Variants in LPP observed in about 807,000 individuals in gnomAD.
LPP encodes LIM domain containing preferred translocation partner in lipoma, also known as lipoma-preferred partner.
A neutral mutation model predicts 60.4 loss-of-function variants in LPP; 38 were observed. The observed-to-expected ratio is 0.63, with a 90% confidence interval of 0.49 to 0.83. The LOEUF (loss-of-function observed/expected upper bound fraction) is 0.83, where lower values mean the gene tolerates loss of function less well. Among genes scored for constraint, LPP ranks in the 40% least tolerant of loss-of-function variants. LPP has a pLI of 0.00. For synonymous variants in LPP, 328 were observed against 290.8 expected, an observed-to-expected ratio of 1.13 and a Z score of -1.30; for missense variants, 902 against 783.6, an observed-to-expected ratio of 1.15 and a Z score of -1.80.
chr3:188,499,964 C>T (rs532919519), intron 5 of LPP, among the ~76,000 whole-genome samples: 1 of 152,048 alleles, frequency 6.6e-6, no homozygotes, highest in Admixed American at 6.5e-5. Context: ...ACTTTATATG[C>T]TCTACTTGGC....
At position 188,538,849 on chromosome 3, in the gene LPP, A is replaced by G. The variant is rs1315534013; in HGVS notation, c.429+14062A>G. On this transcript the variant is annotated intron_variant, in intron 6 of 11. Transcript: ENST00000617246. ...ATACAATTGAATATTACTCAGCCAT[A>G]AAAAGGAACGAAGCTCTGCAACATG... Among the ~76,000 whole-genome samples the G allele has an allele frequency of 2.0e-5, 3 of 152,336 alleles. No individual in the cohort carries two copies. The East Asian group carries it at 5.8e-4, about 29-fold the overall frequency.
rs552825226 is a variant in LPP at position 188,688,573 on chromosome 3, C to T, written c.1114-19694C>T. Among the ~76,000 whole-genome samples, 6 of 152,280 alleles carry T rather than the reference C, an allele frequency of 3.9e-5. No homozygotes were observed. The South Asian group carries it at 1.2e-3, about 32-fold the overall frequency. On this transcript the variant is annotated intron_variant, in intron 7 of 11. Coordinates refer to ENST00000617246, the MANE Select transcript of LPP (RefSeq NM_001375462.1). ...GAAGATGAGACTATGAAGGCAGGCC[C>T]TTCAAGGACTTTCTAAGTAGTACTC...
intron 8 of LPP, among the ~76,000 whole-genome samples, chr3:188,749,773 G>A (rs112907212): frequency 1.1e-4 from 16 of 152,226 alleles, no homozygotes; most frequent in African/African-American, 3.9e-4. Context: ...ATGTGAATCT[G>A]CAAATTTATT....
chr3:188,184,567 C>T lies in LPP; in HGVS notation c.-190+30315C>T, dbSNP rs574158509. On this transcript the variant is annotated intron_variant, in intron 1 of 11. Coordinates refer to ENST00000617246, the MANE Select transcript of LPP (RefSeq NM_001375462.1). ...GTTGTAGGAAGGTGGTATCGGGTCA[C>T]CATACTGAGCTGTGTGGTGGGAAAA... 1.3e-4 allele frequency among the ~76,000 whole-genome samples: 20 copies of T among 152,158 alleles called. No homozygotes were observed. The South Asian group carries it at 2.9e-3, about 22-fold the overall frequency.
chr3:188,290,763 C>T (rs545452089), intron 2 of LPP, among the ~76,000 whole-genome samples: 39 of 152,334 alleles, frequency 2.6e-4, no homozygotes, highest in Non-Finnish European at 5.0e-4. Flanking sequence ...AATGCATCCG[C>T]ATCCTTGATA....
chr3:188,414,781 C>T (rs990623527), intron 4 of LPP, among the ~76,000 whole-genome samples: 2 of 152,122 alleles, frequency 1.3e-5, no homozygotes, highest in African/African-American at 4.8e-5. Flanking sequence ...ATCTTCATTT[C>T]AGAGACTCAG....
rs1221198269 is a variant in LPP at position 188,249,885 on chromosome 3, AT to A, written c.-67+24359del. On this transcript the variant is annotated intron_variant, in intron 2 of 11. Coordinates refer to ENST00000617246, the MANE Select transcript of LPP (RefSeq NM_001375462.1). ...ACACACACACAGTCTCCCCCACCCCATATATATATATATATATTTTTTTTTT... is the reference window on the plus strand; with the variant it reads ...ACACACACACAGTCTCCCCCACCCCAATATATATATATATATTTTTTTTTT... 8.4e-5 allele frequency among the ~76,000 whole-genome samples: 4 copies of A among 47,492 alleles called. No homozygotes were observed. The East Asian group carries it at 1.6e-3, about 19-fold the overall frequency. 31.2% of individuals were successfully genotyped at this position (47,492 alleles called of 152,430 possible). A position where few individuals can be genotyped will look rare whatever the true frequency, so the allele number is the denominator to read the frequency against.
intron 3 of LPP, among the ~76,000 whole-genome samples, chr3:188,355,195 G>T (rs1014019805): frequency 2.0e-5 from 3 of 152,062 alleles, no homozygotes; most frequent in African/African-American, 4.8e-5. Context: ...TTTTAGTAGA[G>T]ACAGGGTTTC....
intron 2 of LPP, among the ~76,000 whole-genome samples, chr3:188,291,919 A>T (rs1277763469): frequency 6.6e-6 from 1 of 152,142 alleles, no homozygotes; most frequent in African/African-American, 2.4e-5. Flanking sequence ...CCCTGATTTG[A>T]TTGTAAGGAG....
In LPP at chr3:188,154,216, C is replaced by T. The variant is rs1196557344; in HGVS notation, c.-226C>T. Among the ~76,000 whole-genome samples, 1 of 151,924 alleles carries T rather than the reference C, an allele frequency of 6.6e-6. No individual in the cohort carries two copies. Among genetic ancestry groups the T allele is most frequent in the Admixed American group, 6.5e-5 (1 of 15,268 alleles). Reference sequence around the variant, plus strand: ...GCCGCCGCCGCCGCCGCCGCCGCCACCACCACCGCCGCTGCCCCGGCTGCC... The same window carrying T: ...GCCGCCGCCGCCGCCGCCGCCGCCATCACCACCGCCGCTGCCCCGGCTGCC... On this transcript the variant is annotated 5_prime_UTR_variant, in exon 1 of 12. Coordinates refer to ENST00000617246, the MANE Select transcript of LPP (RefSeq NM_001375462.1).
intron 6 of LPP, among the ~76,000 whole-genome samples, chr3:188,540,426 C>T (rs1223726105): frequency 1.3e-5 from 2 of 152,050 alleles, no homozygotes; most frequent in East Asian, 1.9e-4. Flanking sequence ...AATTTAAAGA[C>T]CAAGTTCATG....
At chr3:188,637,333 A>G (rs1455230935) in intron 7 of LPP, among the ~76,000 whole-genome samples, 1 of 152,140 alleles carries the variant, frequency 6.6e-6, no homozygotes, top group Non-Finnish European at 1.5e-5. Flanking sequence ...AAGGCACAAC[A>G]TACCAGAGTC....
At chr3:188,357,964 A>G (rs897053385) in intron 3 of LPP, among the ~76,000 whole-genome samples, 2 of 152,222 alleles carry the variant, frequency 1.3e-5, no homozygotes, top group Admixed American at 6.5e-5. Flanking sequence ...TATGAGCTCA[A>G]TAAACATTAT....
At chr3:188,247,778 G>A (rs1029229913) in intron 2 of LPP, among the ~76,000 whole-genome samples, 7 of 148,488 alleles carry the variant, frequency 4.7e-5, no homozygotes, top group African/African-American at 1.5e-4. Context: ...CAGGCTGGGC[G>A]ACAGAGTGAG....
At chr3:188,664,115 A>G (rs12485376) in intron 7 of LPP, among the ~76,000 whole-genome samples, 68,867 of 152,146 alleles carry the variant, frequency 0.45, 18,000 homozygotes, top group South Asian at 0.62. Context: ...CAGAGCTGCA[A>G]TGAGGTTTTG....
At chr3:188,247,543 C>A (rs1309015293) in intron 2 of LPP, among the ~76,000 whole-genome samples, 1 of 152,052 alleles carries the variant, frequency 6.6e-6, no homozygotes, top group African/African-American at 2.4e-5. Context: ...TTGGCTCATG[C>A]CTGTAATCCC....
rs757356558 is a variant in LPP at position 188,872,707 on chromosome 3, A to G, written c.1654A>G (p.Thr552Ala). The G allele has an allele frequency of 1.2e-6, 2 of 1,614,068 alleles. No individual in the cohort carries two copies. Among genetic ancestry groups the G allele is most frequent in the Admixed American group, 1.7e-5 (1 of 60,024 alleles). The change falls in exon 11 of 12, where the codon ACT (threonine) becomes GCT (alanine). Residue 552 changes from threonine (T) to alanine (A), a missense_variant. Coordinates refer to ENST00000617246, the MANE Select transcript of LPP (RefSeq NM_001375462.1). ...TATGCCAGCCCCGGGCCAGGAGGAGACTGTCCGTATTGTGGCTTTGGATCG... is the reference window on the plus strand; with the variant it reads ...TATGCCAGCCCCGGGCCAGGAGGAGGCTGTCCGTATTGTGGCTTTGGATCG... ...PIMPAPGQEE[T>A]VRIVALDRDF...
chr3:188,383,328 T>C (rs906538162), intron 3 of LPP, among the ~76,000 whole-genome samples: 12 of 152,234 alleles, frequency 7.9e-5, no homozygotes, highest in African/African-American at 2.6e-4. Context: ...AGTGAGAAAA[T>C]TTAGTATGTT....
chr3:188,227,205 A>T (rs1323240652), intron 2 of LPP, among the ~76,000 whole-genome samples: 1 of 151,278 alleles, frequency 6.6e-6, no homozygotes, highest in Non-Finnish European at 1.5e-5. Context: ...TATTATTTAT[A>T]CTTTAAGTTT....
Sources: allele counts gnomAD v4.1 joint callset (sites outside exome capture counted in the v4.1 genomes callset), GRCh38; gene constraint gnomAD v4.1.1; transcripts MANE v1.5; gene names NCBI Gene and HGNC (gene_info 2026-07-23, HGNC 2026-07-21).